MYPN: variants seen among roughly 807,000 people sequenced by gnomAD.
MYPN encodes the protein sarcomeric protein myopalladin, 145 kDa (MYOP).
MYPN carries 63 observed loss-of-function variants against 129.4 expected under a neutral mutation model. That is an observed-to-expected ratio of 0.49 (90% CI 0.40 to 0.60). The LOEUF is 0.60. Among genes scored for constraint, MYPN ranks in the 20% least tolerant of loss-of-function variants. The pLI, the probability that MYPN is intolerant of heterozygous loss-of-function variation, is 0.00. For synonymous variants in MYPN, 629 were observed against 600.9 expected (o/e 1.05, Z -0.68); for missense variants, 1,596 against 1,635.4 (o/e 0.98, Z 0.42).
chr10:68,200,248 C>T (rs1212998845), intron 17 of MYPN, among the ~76,000 whole-genome samples: 1 of 152,186 alleles, frequency 6.6e-6, no homozygotes, highest in Non-Finnish European at 1.5e-5. Context: ...TTCTGCATAT[C>T]TCAGTGCCTG....
At chr10:68,182,958 G>T (rs1321687465) in intron 12 of MYPN, among the ~76,000 whole-genome samples, 1 of 152,012 alleles carries the variant, frequency 6.6e-6, no homozygotes, top group Non-Finnish European at 1.5e-5. Context: ...TCATCATATT[G>T]CTTCTGTAGT....
chr10:68,185,367 T>TAACA (rs1416985556), intron 12 of MYPN, among the ~76,000 whole-genome samples: 1 of 152,036 alleles, frequency 6.6e-6, no homozygotes, highest in Non-Finnish European at 1.5e-5. Context: ...TAGAAAACAA[T>TAACA]AACATTTTCT....
intron 2 of MYPN, among the ~76,000 whole-genome samples, chr10:68,138,793 C>A (rs2042527697): frequency 6.6e-6 from 1 of 152,150 alleles, no homozygotes; most frequent in South Asian, 2.1e-4. Flanking sequence ...ATAATCATCA[C>A]ACTGTGGTTT....
chr10:68,106,952 T>C (rs1012702920), upstream of MYPN, among the ~76,000 whole-genome samples: 4 of 152,252 alleles, frequency 2.6e-5, no homozygotes, highest in Non-Finnish European at 4.4e-5. Flanking sequence ...AACCTTGTGT[T>C]TGCTTGCCAC....
chr10:68,132,181 T>A (rs2042421592), intron 2 of MYPN, among the ~76,000 whole-genome samples: 2 of 152,228 alleles, frequency 1.3e-5, no homozygotes, highest in South Asian at 4.1e-4. Context: ...TCTAAAATAC[T>A]AAGATTTTTA....
chr10:68,126,080 G>A (rs967754472), intron 2 of MYPN, among the ~76,000 whole-genome samples: 1 of 152,168 alleles, frequency 6.6e-6, no homozygotes, highest in African/African-American at 2.4e-5. Context: ...GAGGCCAAGG[G>A]TAGAGGGGAA....
chr10:68,109,661 A>G lies in MYPN; in HGVS notation c.-64A>G. On this transcript the variant is annotated 5_prime_UTR_variant, in exon 1 of 20. Transcript: ENST00000358913. ...TTCATCTAAAAGTTCTCCCTGGATA[A>G]TTATCATTGCAGTGGAGTGCCTGGA... The G allele has an allele frequency of 2.2e-6, 1 of 454,078 alleles. No homozygotes were observed. The highest frequency in any genetic ancestry group is 4.4e-6 in the Non-Finnish European group (1 of 226,800). The allele number at this position is 454,078 out of a possible 1,614,324, so 28.1% of individuals were successfully genotyped here. A position where few individuals can be genotyped will look rare whatever the true frequency, so the allele number is the denominator to read the frequency against.
chr10:68,120,223 ACAG>A (rs1201353077), intron 1 of MYPN, among the ~76,000 whole-genome samples: 2 of 152,182 alleles, frequency 1.3e-5, no homozygotes, highest in African/African-American at 2.4e-5. Flanking sequence ...GAGAGTAGTG[ACAG>A]CCTAAGTCAC....
intron 19 of MYPN, 45 bp downstream of exon 19, chr10:68,206,948 C>T: frequency 6.2e-7 from 1 of 1,612,294 alleles, no homozygotes; most frequent in Non-Finnish European, 8.5e-7. Context: ...CAACTGACAG[C>T]TTAAAAATAT....
intron 17 of MYPN, among the ~76,000 whole-genome samples, chr10:68,200,001 T>G (rs189700262): frequency 6.6e-6 from 1 of 152,332 alleles, no homozygotes; most frequent in East Asian, 1.9e-4. Context: ...CTCCTACTCA[T>G]TCTGTAAGAC....
Position 68,211,062 on chromosome 10 carries a change from T to G in MYPN, c.*607T>G, listed in dbSNP as rs1035342681. 4.4e-6 allele frequency: 2 copies of G among 453,950 alleles called. No homozygotes were observed. The highest frequency in any genetic ancestry group is 4.0e-5 in the African/African-American group (2 of 49,994). The allele number at this position is 453,950 out of a possible 1,614,324, so 28.1% of individuals were successfully genotyped here. A position where few individuals can be genotyped will look rare whatever the true frequency, so the allele number is the denominator to read the frequency against. On this transcript the variant is annotated 3_prime_UTR_variant, in exon 20 of 20. Transcript: ENST00000358913. ...ACATAATAAGGTGTCAAAATGTGCT[T>G]GAGATTCCAAAAACTTGCTGAAACA...
intron 2 of MYPN, chr10:68,136,474 C>A: frequency 8.8e-7 from 1 of 1,141,510 alleles, no homozygotes; most frequent in Non-Finnish European, 1.2e-6. Flanking sequence ...TCCCCCTGAC[C>A]CTCAAAAGTC....
At chr10:68,143,976 G>A (rs1370937616) in intron 3 of MYPN, among the ~76,000 whole-genome samples, 10 of 151,988 alleles carry the variant, frequency 6.6e-5, no homozygotes, top group Non-Finnish European at 1.0e-4. Flanking sequence ...GCTGTTCTTG[G>A]ACTCCTCACC....
Position 68,199,557 on chromosome 10 carries a change from C to T in MYPN, c.3475C>T (p.Leu1159=). The change falls in exon 17 of 20, where the codon CTG becomes TTG. Residue 1159 remains leucine, a synonymous_variant. Coordinates refer to ENST00000358913, the MANE Select transcript of MYPN (RefSeq NM_032578.4). ...TNKTGQNSFS[L]ELSVVAKEVK... ...CAAAACCGGGCAGAATTCTTTTAGT[C>T]TGGAGCTCTCTGTAGTAGGTAAGGT... 1.2e-6 allele frequency: 2 copies of T among 1,610,188 alleles called. No individual in the cohort carries two copies. Among genetic ancestry groups the T allele is most frequent in the Non-Finnish European group, 1.7e-6 (2 of 1,178,546 alleles).
intron 12 of MYPN, among the ~76,000 whole-genome samples, chr10:68,183,346 C>T (rs2043369129): frequency 6.6e-6 from 1 of 151,958 alleles, no homozygotes; most frequent in Non-Finnish European, 1.5e-5. Context: ...CCTGTTGTCC[C>T]AGCTATTCGG....
chr10:68,177,978 A>C (rs2043254302), intron 12 of MYPN, among the ~76,000 whole-genome samples: 1 of 152,224 alleles, frequency 6.6e-6, no homozygotes, highest in Non-Finnish European at 1.5e-5. Flanking sequence ...ATAAATCAGA[A>C]GTCCTTGAAC....
At chr10:68,178,671 C>T (rs1282506704) in intron 12 of MYPN, among the ~76,000 whole-genome samples, 1 of 142,496 alleles carries the variant, frequency 7.0e-6, no homozygotes, top group Non-Finnish European at 1.5e-5. Flanking sequence ...CGAGATCATG[C>T]CATTGAGCTC....
chr10:68,118,463 G>A (rs1176717979), intron 1 of MYPN, among the ~76,000 whole-genome samples: 1 of 152,148 alleles, frequency 6.6e-6, no homozygotes, highest in Non-Finnish European at 1.5e-5. Flanking sequence ...TGGTACCAAG[G>A]CCAATGCTCA....
At chr10:68,209,671 C>CTTTTTTTTTTTTTTTTTTTTTTTTT (rs35392300) in intron 19 of MYPN, among the ~76,000 whole-genome samples, 20 of 131,220 alleles carry the variant, frequency 1.5e-4, no homozygotes, top group Non-Finnish European at 2.2e-4. Context: ...GAATTCTTTT[C>CTTTTTTTTTTTTTTTTTTTTTTTTT]TTTTTTTTTT....
Sources: allele counts gnomAD v4.1 joint callset (sites outside exome capture counted in the v4.1 genomes callset), GRCh38; gene constraint gnomAD v4.1.1; transcripts MANE v1.5; gene names NCBI Gene and HGNC (gene_info 2026-07-23, HGNC 2026-07-21).